The following VLDLR variants were observed in gnomAD, a reference collection of about 807,000 sequenced individuals.
The protein encoded by VLDLR is very low-density lipoprotein receptor.
VLDLR carries 81 observed loss-of-function variants against 112.7 expected under a neutral mutation model. The ratio of observed to expected loss-of-function variants is 0.72; its 90% confidence interval spans 0.60 to 0.86. The LOEUF (loss-of-function observed/expected upper bound fraction) is 0.86, where lower values mean the gene tolerates loss of function less well. VLDLR is among the 40% of genes least tolerant of loss of function. The pLI, the probability that VLDLR is intolerant of heterozygous loss-of-function variation, is 0.00. For missense variants in VLDLR, 1,237 were observed against 1,099.4 expected (o/e 1.13, Z -1.77); for synonymous variants, 436 against 384.8 (o/e 1.13, Z -1.56).
At chr9:2,637,680 G>C (rs189469624) in intron 2 of VLDLR, among the ~76,000 whole-genome samples, 1 of 152,118 alleles carries the variant, frequency 6.6e-6, no homozygotes, top group Non-Finnish European at 1.5e-5. Flanking sequence ...GGTGGCTCAC[G>C]CCTATAATCC....
chr9:2,640,012 T>G (rs1236980658), intron 3 of VLDLR, 31 bp downstream of exon 3: 1 of 1,614,188 alleles, frequency 6.2e-7, no homozygotes, highest in Non-Finnish European at 8.5e-7. Context: ...CCTTGAACTT[T>G]GCCAAGTTGT....
Position 2,643,410 on chromosome 9 carries a change from A to C in VLDLR, c.699A>C (p.Pro233=), listed in dbSNP as rs374177087. 39 of 1,614,178 alleles carry C rather than the reference A, an allele frequency of 2.4e-5. No homozygotes were observed. In the Middle Eastern group the frequency reaches 8.2e-4, roughly 34 times the overall value. Reference sequence around the variant, plus strand: ...CCCTGGAGCAGTGTGGCCGTCAGCCAGTCATACACACCAAGTGTCCAGCCA... The same window carrying C: ...CCCTGGAGCAGTGTGGCCGTCAGCCCGTCATACACACCAAGTGTCCAGCCA... ...DESLEQCGRQ[P]VIHTKCPASE... is the part of the protein sequence containing the mutation. Residue 233 remains proline, a synonymous_variant, in exon 5 of 19, where the codon CCA becomes CCC. Transcript: ENST00000382100.
chr9:2,648,836 A>G (rs1487316054), intron 14 of VLDLR, 26 bp downstream of exon 14: 3 of 1,613,992 alleles, frequency 1.9e-6, no homozygotes, highest in Non-Finnish European at 2.5e-6. Flanking sequence ...ACAGTCCTTA[A>G]TAACTACTTT....
chr9:2,635,471 A>C lies in VLDLR; in HGVS notation c.101A>C (p.Glu34Ala). 1.9e-6 allele frequency: 3 copies of C among 1,614,082 alleles called. No homozygotes were observed. Among genetic ancestry groups the C allele is most frequent in the Non-Finnish European group, 2.5e-6 (3 of 1,179,962 alleles). Residue 34 changes from glutamate to alanine, a missense_variant, in exon 2 of 19, where the codon GAA becomes GCA. Glu to Ala is a moderately radical substitution (Grantham distance 107). Transcript: ENST00000382100. The stretch of plus-strand genomic sequence containing the variant: ...ATTCTAGGGAGAAAAGCCAAATGTG[A>C]ACCCTCCCAATTCCAGTGCACAAAT... ...ATGTGRKAKC[E>A]PSQFQCTNGR... is the part of the protein sequence containing the mutation.
In VLDLR at chr9:2,627,809, G is replaced by A. The variant is rs535404377; in HGVS notation, c.82+5538G>A. Among the ~76,000 whole-genome samples, 8 of 150,374 alleles carry A rather than the reference G, an allele frequency of 5.3e-5. No homozygotes were observed. The South Asian group carries it at 1.7e-3, about 32-fold the overall frequency. On this transcript the variant is annotated intron_variant, in intron 1 of 18. Coordinates refer to ENST00000382100, the MANE Select transcript of VLDLR (RefSeq NM_003383.5). ...GAACCCGGGTGGCAGAGATTTCAGTGAGCCGAGATAACGCCACTGCACTCC... is the reference window on the plus strand; with the variant it reads ...GAACCCGGGTGGCAGAGATTTCAGTAAGCCGAGATAACGCCACTGCACTCC...
chr9:2,635,523 A>T lies in VLDLR; in HGVS notation c.153A>T (p.Lys51Asn), dbSNP rs754766369. The change falls in exon 2 of 19, where the codon AAA (lysine) becomes AAT (asparagine). Residue 51 changes from lysine (K) to asparagine (N), a missense_variant. By Grantham distance (94) the Lys-to-Asn change is moderately conservative. Transcript: ENST00000382100. ...TNGRCITLLW[K>N]CDGDEDCVDG... ...GTCGCTGTATTACGCTGTTGTGGAAATGTGATGGGGATGAAGACTGTGTTG... is the reference window on the plus strand; with the variant it reads ...GTCGCTGTATTACGCTGTTGTGGAATTGTGATGGGGATGAAGACTGTGTTG... 2 of 1,614,038 alleles carry T rather than the reference A, an allele frequency of 1.2e-6. No homozygotes were observed. The highest frequency in any genetic ancestry group is 2.7e-5 in the African/African-American group (2 of 74,942).
In VLDLR at chr9:2,648,201, T is replaced by C. The variant is rs970060233; in HGVS notation, c.1823-7T>C. The C allele has an allele frequency of 1.9e-6, 3 of 1,614,000 alleles. No individual in the cohort carries two copies. The highest frequency in any genetic ancestry group is 2.7e-5 in the African/African-American group (2 of 74,946). On this transcript the variant is annotated splice_region_variant and splice_polypyrimidine_tract_variant and intron_variant, in intron 12 of 18. Coordinates refer to ENST00000382100, the MANE Select transcript of VLDLR (RefSeq NM_003383.5). ...TGTCATGTAATGACAATTCTTTTCC[T>C]ACCTAGACCTTATAAAAAGTCGCCT... is the stretch of plus-strand genomic sequence containing the variant.
chr9:2,633,690 T>C (rs1817469344), intron 1 of VLDLR, among the ~76,000 whole-genome samples: 1 of 152,214 alleles, frequency 6.6e-6, no homozygotes, highest in African/African-American at 2.4e-5. Flanking sequence ...AGTATATTTA[T>C]ACCTATGTTC....
At chr9:2,623,507 G>A (rs1205491040) in intron 1 of VLDLR, among the ~76,000 whole-genome samples, 1 of 152,234 alleles carries the variant, frequency 6.6e-6, no homozygotes, top group East Asian at 1.9e-4. Flanking sequence ...TGAAGTGAGA[G>A]CGAACTTTAA....
chr9:2,649,448 G>A lies in VLDLR; in HGVS notation c.2104+638G>A, dbSNP rs185180719. On this transcript the variant is annotated intron_variant, in intron 14 of 18. Transcript: ENST00000382100. ...GCTCTGTCACCCAGGCTGGAGTGCA[G>A]TGGCACAATCTCGGCTCACTGCAAC... Among the ~76,000 whole-genome samples, 634 of 152,266 alleles carry A rather than the reference G, an allele frequency of 4.2e-3. 2 individuals carry two copies. Among genetic ancestry groups the A allele is most frequent in the African/African-American group, 5.4e-3 (226 of 41,550 alleles).
At chr9:2,651,608 G>A (rs1818342589) in intron 16 of VLDLR, 110 bp downstream of exon 16, 2 of 1,072,678 alleles carry the variant, frequency 1.9e-6, no homozygotes, top group African/African-American at 3.2e-5. Flanking sequence ...GCCCCAATTG[G>A]TAACCTATAT....
At chr9:2,646,303 C>G (rs766572324) in intron 10 of VLDLR, 31 bp from the exon 11 acceptor site, 1 of 1,610,194 alleles carries the variant, frequency 6.2e-7, no homozygotes, top group Non-Finnish European at 8.5e-7. Context: ...GTGTCAAACT[C>G]TTAAATTTCT....
chr9:2,643,211 T>C lies in VLDLR; in HGVS notation c.500T>C (p.Ile167Thr). The C allele has an allele frequency of 6.2e-7, 1 of 1,614,046 alleles. No individual in the cohort carries two copies. The highest frequency in any genetic ancestry group is 1.6e-4 in the Middle Eastern group (1 of 6,062). The change falls in exon 5 of 19, where the codon ATC (isoleucine) becomes ACC (threonine). Residue 167 changes from isoleucine (I) to threonine (T), a missense_variant. Transcript: ENST00000382100. Reference protein sequence around the residue: ...DEFTCSSGRCISRNFVCNGQD... With the variant: ...DEFTCSSGRCTSRNFVCNGQD... ...TTCACCTGCTCCAGTGGCCGCTGCA[T>C]CTCCAGGAACTTTGTATGCAATGGC...
rs1218142347 is a variant in VLDLR, at chr9:2,622,166, G to A, written c.-24G>A. On this transcript the variant is annotated 5_prime_UTR_variant, in exon 1 of 19. Coordinates refer to ENST00000382100, the MANE Select transcript of VLDLR (RefSeq NM_003383.5). The stretch of plus-strand genomic sequence containing the variant: ...AGCGAACGGCGGCGGCGGCGGCGGC[G>A]GCGGCACCATCCAGGCGGGCACCAT... 6 of 1,403,292 alleles carry A rather than the reference G, an allele frequency of 4.3e-6. No homozygotes were observed. Among genetic ancestry groups the A allele is most frequent in the South Asian group, 4.0e-5 (3 of 74,616 alleles). 86.9% of individuals were successfully genotyped at this position (1,403,292 alleles called of 1,614,324 possible).
chr9:2,645,849 T>C, intron 10 of VLDLR, 104 bp downstream of exon 10: 1 of 1,321,466 alleles, frequency 7.6e-7, no homozygotes, highest in Non-Finnish European at 1.1e-6. Context: ...TAGCCCCATC[T>C]AGCATCGAAT....
At chr9:2,648,022 G>T (rs1818149422) in intron 12 of VLDLR, among the ~76,000 whole-genome samples, 186 bp from the exon 13 acceptor site, 1 of 152,210 alleles carries the variant, frequency 6.6e-6, no homozygotes, top group Non-Finnish European at 1.5e-5. Context: ...CAGGTACCCT[G>T]TTAGTCCCCA....
rs1158859086 is a variant in VLDLR at position 2,659,608 on chromosome 9, C to A, written c.*5740C>A. The A allele has an allele frequency of 6.6e-6, 1 of 152,146 alleles. No individual in the cohort carries two copies. Among genetic ancestry groups the A allele is most frequent in the African/African-American group, 2.4e-5 (1 of 41,428 alleles). The allele number at this position is 152,146 out of a possible 1,614,324, so 9.4% of individuals were successfully genotyped here. A position where few individuals can be genotyped will look rare whatever the true frequency, so the allele number is the denominator to read the frequency against. On this transcript the variant is annotated 3_prime_UTR_variant, in exon 19 of 19. Coordinates refer to ENST00000382100, the MANE Select transcript of VLDLR (RefSeq NM_003383.5). ...CTATGTATAAGATATTGGGAGAAAA[C>A]AAACTGTACCACAACAAATCTTAAG...
chr9:2,622,104 T>C lies in VLDLR; in HGVS notation c.-86T>C. 8.0e-7 allele frequency: 1 copy of C among 1,248,406 alleles called. No homozygotes were observed. Among genetic ancestry groups the C allele is most frequent in the Non-Finnish European group, 1.1e-6 (1 of 937,618 alleles). 77.3% of individuals were successfully genotyped at this position (1,248,406 alleles called of 1,614,324 possible). On this transcript the variant is annotated 5_prime_UTR_variant, in exon 1 of 19. Transcript: ENST00000382100. ...CTTTCCCCTCCCCGCCCCCACCTTC[T>C]TCCTCCTTTCGGAAGGACTGGTAAC...
rs1279377337 is a variant in VLDLR, at chr9:2,621,872, C to A, written c.-318C>A. The A allele has an allele frequency of 8.5e-6, 5 of 589,726 alleles. No homozygotes were observed. Among genetic ancestry groups the A allele is most frequent in the South Asian group, 6.1e-5 (4 of 65,056 alleles). The allele number at this position is 589,726 out of a possible 1,614,324, so 36.5% of individuals were successfully genotyped here. On this transcript the variant is annotated 5_prime_UTR_variant, in exon 1 of 19. Coordinates refer to ENST00000382100, the MANE Select transcript of VLDLR (RefSeq NM_003383.5). ...GCTCTCTTCTGCTCTCGGCTCCCCACCCCCTCTCCCTTCCCTCCTCTCCCC... is the reference window on the plus strand; with the variant it reads ...GCTCTCTTCTGCTCTCGGCTCCCCAACCCCTCTCCCTTCCCTCCTCTCCCC...
Sources: allele counts gnomAD v4.1 joint callset (sites outside exome capture counted in the v4.1 genomes callset), GRCh38; gene constraint gnomAD v4.1.1; transcripts MANE v1.5; gene names NCBI Gene and HGNC (gene_info 2026-07-23, HGNC 2026-07-21).